MAT1A: variants seen among roughly 807,000 people sequenced by gnomAD.
MAT1A encodes the protein S-adenosylmethionine synthase isoform type-1.
In MAT1A, 19 loss-of-function variants were observed where a neutral mutation model predicts 44.0. The ratio of observed to expected loss-of-function variants is 0.43; its 90% CI spans 0.30 to 0.63. The LOEUF (loss-of-function observed/expected upper bound fraction) is 0.63. Among genes scored for constraint, MAT1A ranks in the 30% least tolerant of loss-of-function variants. The pLI is 0.12. For missense variants in MAT1A, 397 were observed against 531.0 expected (o/e 0.75, Z 2.48); for synonymous variants, 205 against 205.6 (o/e 1.00, Z 0.03).
Position 80,273,803 on chromosome 10 carries a change from A to G in MAT1A, c.1166T>C (p.Val389Ala), listed in dbSNP as rs745711459. Reference sequence around the variant, plus strand: ...GCTCTAAAATACAAGCTTCCTGGGAACCTCCCATGGGAACTCGCTTCTTCC... The same window carrying G: ...GCTCTAAAATACAAGCTTCCTGGGAGCCTCCCATGGGAACTCGCTTCTTCC... ...HFGRSEFPWE[V>A]PRKLVF is the part of the protein sequence containing the mutation. Residue 389 changes from valine to alanine, a missense_variant, in exon 9 of 9, where the codon GTT becomes GCT. By Grantham distance (64) the Val-to-Ala change is moderately conservative (BLOSUM62 0). Transcript: ENST00000372213. The G allele has an allele frequency of 6.2e-7, 1 of 1,612,960 alleles. No individual in the cohort carries two copies. Among genetic ancestry groups the G allele is most frequent in the Admixed American group, 1.7e-5 (1 of 59,998 alleles).
At chr10:80,275,239 C>A in intron 6 of MAT1A, 40 bp from the exon 7 acceptor site, 1 of 1,565,712 alleles carries the variant, frequency 6.4e-7, no homozygotes, top group Non-Finnish European at 8.7e-7. Flanking sequence ...GCAGAGCCAG[C>A]CCCTAGATGC....
In MAT1A at chr10:80,289,358, C is replaced by T. The variant is rs114062313; in HGVS notation, c.66G>A (p.Ser22=). 1.1e-5 allele frequency: 17 copies of T among 1,614,174 alleles called. No individual in the cohort carries two copies. Among genetic ancestry groups the T allele is most frequent in the Admixed American group, 5.0e-5 (3 of 60,020 alleles). Residue 22 remains serine, a synonymous_variant, in exon 1 of 9, where the codon TCG becomes TCA. Coordinates refer to ENST00000372213, the MANE Select transcript of MAT1A (RefSeq NM_000429.3). ...CCGGGTGTCCCTCTCCCACAGACTCCGATGTGAACATGAAGACTCCTTCAC... is the reference window on the plus strand; with the variant it reads ...CCGGGTGTCCCTCTCCCACAGACTCTGATGTGAACATGAAGACTCCTTCAC... ...SLSEGVFMFT[S]ESVGEGHPDK... is the part of the protein sequence containing the mutation.
intron 5 of MAT1A, among the ~76,000 whole-genome samples, chr10:80,277,463 A>T (rs1005473763): frequency 3.3e-5 from 5 of 152,218 alleles, no homozygotes; most frequent in African/African-American, 1.2e-4. Context: ...AAGAAGTAGG[A>T]GAAAGAGTCC....
chr10:80,274,902 A>T, intron 7 of MAT1A, 115 bp downstream of exon 7: 1 of 1,372,484 alleles, frequency 7.3e-7, no homozygotes, highest in Non-Finnish European at 1.0e-6. Flanking sequence ...TCACACAATC[A>T]CAACCTTTGG....
rs1023029653 is a variant in MAT1A, at chr10:80,289,436, C to A, written c.-13G>T. ...CCGGTCCATTCATCTTCTCACACTT[C>A]TCCACTCACGCTTCTTTCAGTGAAC... is the stretch of plus-strand genomic sequence containing the variant. On this transcript the variant is annotated 5_prime_UTR_variant, in exon 1 of 9. Transcript: ENST00000372213. The A allele has an allele frequency of 1.9e-6, 3 of 1,601,378 alleles. No individual in the cohort carries two copies. The highest frequency in any genetic ancestry group is 3.3e-5 in the Admixed American group (2 of 60,000).
At chr10:80,277,931 T>C (rs1841513182) in intron 5 of MAT1A, among the ~76,000 whole-genome samples, 1 of 152,232 alleles carries the variant, frequency 6.6e-6, no homozygotes, top group Non-Finnish European at 1.5e-5. Context: ...CAGGGATTTG[T>C]TCAGGTGGAA....
intron 3 of MAT1A, among the ~76,000 whole-genome samples, chr10:80,281,437 C>T (rs1020592614): frequency 5.3e-5 from 8 of 152,110 alleles, no homozygotes; most frequent in Non-Finnish European, 1.0e-4. Context: ...ACCTAGCACG[C>T]GAGGCACTGG....
chr10:80,278,762 A>G (rs368310542), intron 5 of MAT1A, among the ~76,000 whole-genome samples: 1 of 152,240 alleles, frequency 6.6e-6, no homozygotes, highest in African/African-American at 2.4e-5. Flanking sequence ...TCTCTGTACA[A>G]CTGGAGTTGT....
rs780214970 is a variant in MAT1A at position 80,285,405 on chromosome 10, A to C, written c.169+107T>G. The C allele has an allele frequency of 9.0e-6, 8 of 885,846 alleles. No homozygotes were observed. The African/African-American group carries it at 9.8e-5, about 11-fold the overall frequency. 54.9% of individuals were successfully genotyped at this position (885,846 alleles called of 1,614,324 possible). On this transcript the variant is annotated intron_variant, in intron 2 of 8. Coordinates refer to ENST00000372213, the MANE Select transcript of MAT1A (RefSeq NM_000429.3). ...AGAAATCTACTGCAGAGCAGAGGACATGGATTTTGGAACTGAGGAGTATGG... is the reference window on the plus strand; with the variant it reads ...AGAAATCTACTGCAGAGCAGAGGACCTGGATTTTGGAACTGAGGAGTATGG...
intron 2 of MAT1A, among the ~76,000 whole-genome samples, chr10:80,285,207 C>T (rs1470485034): frequency 6.6e-6 from 1 of 152,176 alleles, no homozygotes; most frequent in Non-Finnish European, 1.5e-5. Context: ...GAAAGACCTC[C>T]TTGTTCCCAA....
chr10:80,288,366 A>G (rs961439386), intron 1 of MAT1A, among the ~76,000 whole-genome samples: 3 of 151,950 alleles, frequency 2.0e-5, no homozygotes, highest in Non-Finnish European at 4.4e-5. Context: ...TGAATCAGAA[A>G]CTCTGGAGGG....
At chr10:80,280,348 A>C (rs756826636) in intron 4 of MAT1A, 32 bp from the exon 5 acceptor site, 1 of 1,611,832 alleles carries the variant, frequency 6.2e-7, no homozygotes. Context: ...AGCGGCGCCC[A>C]CCCTAGACCA....
Position 80,284,049 on chromosome 10 carries a change from G to A in MAT1A, c.170-11C>T, listed in dbSNP as rs765559690. The A allele has an allele frequency of 9.3e-6, 15 of 1,613,704 alleles. 1 individual carries two copies. In the South Asian group the frequency reaches 1.6e-4, roughly 18 times the overall value. On this transcript the variant is annotated splice_polypyrimidine_tract_variant and intron_variant, in intron 2 of 8. Transcript: ENST00000372213. The stretch of plus-strand genomic sequence containing the variant: ...TCTTGCACACTGTCTCTGAAAGGGA[G>A]CGGGGAGCGAGGAGAGTTAGCAGCC...
intron 2 of MAT1A, 93 bp from the exon 3 acceptor site, chr10:80,284,131 G>T: frequency 6.6e-7 from 1 of 1,512,042 alleles, no homozygotes. Context: ...AGACAGAAAA[G>T]ACACAGGAGG....
intron 7 of MAT1A, 56 bp downstream of exon 7, chr10:80,274,961 G>C: frequency 6.5e-7 from 1 of 1,537,366 alleles, no homozygotes; most frequent in Non-Finnish European, 8.8e-7. Flanking sequence ...ACTCAGGGCA[G>C]AACTGGGCAG....
At chr10:80,285,648 T>C (rs1841640279) in intron 1 of MAT1A, 59 bp from the exon 2 acceptor site, 1 of 1,176,280 alleles carries the variant, frequency 8.5e-7, no homozygotes, top group African/African-American at 1.5e-5. Flanking sequence ...CAAATTGAAA[T>C]CTTAAAATAA....
At chr10:80,279,276 G>C (rs537062010) in intron 5 of MAT1A, among the ~76,000 whole-genome samples, 1 of 152,252 alleles carries the variant, frequency 6.6e-6, no homozygotes, top group African/African-American at 2.4e-5. Context: ...AGGGGTGCTT[G>C]ATGGGGTAAA....
intron 1 of MAT1A, among the ~76,000 whole-genome samples, chr10:80,287,043 C>T (rs1841659200): frequency 6.6e-6 from 1 of 152,192 alleles, no homozygotes; most frequent in Non-Finnish European, 1.5e-5. Flanking sequence ...CCACTGAAGG[C>T]CTCTCGCTGA....
At position 80,273,410 on chromosome 10, in the gene MAT1A, A is replaced by G; in HGVS notation, c.*371T>C. 3.1e-6 allele frequency: 1 copy of G among 320,692 alleles called. No homozygotes were observed. The highest frequency in any genetic ancestry group is 8.0e-5 in the East Asian group (1 of 12,428). 19.9% of individuals were successfully genotyped at this position (320,692 alleles called of 1,614,324 possible). ...ACAAGGAGCCCTGAGGCCTGTTGAG[A>G]TGTGCTGACCTCACCTGGCACAGGC... On this transcript the variant is annotated 3_prime_UTR_variant, in exon 9 of 9. Transcript: ENST00000372213.
Sources: gnomAD v4.1 joint callset for allele counts (sites outside exome capture counted in the v4.1 genomes callset) on GRCh38, gnomAD v4.1.1 for gene constraint, MANE v1.5 for transcripts, NCBI Gene and HGNC (gene_info 2026-07-23, HGNC 2026-07-21) for gene names.